Variants in CKAP5 observed in about 807,000 individuals in gnomAD.
CKAP5 encodes the protein cytoskeleton-associated protein 5.
CKAP5 carries 27 observed loss-of-function variants against 232.8 expected under a neutral mutation model. The ratio of observed to expected loss-of-function variants is 0.12; its 90% CI spans 0.09 to 0.16. The LOEUF is 0.16. CKAP5 is among the 10% of genes least tolerant of loss of function. The pLI is 1.00. For missense variants in CKAP5, 1,838 were observed against 2,424.7 expected (o/e 0.76, Z 5.08); for synonymous variants, 785 against 841.1 (o/e 0.93, Z 1.16).
intron 37 of CKAP5, 144 bp from the exon 38 acceptor site, chr11:46,752,854 CATTCAGTTAAGAAAATAA>C (rs2065080292): frequency 1.7e-6 from 1 of 586,866 alleles, no homozygotes; most frequent in Admixed American, 3.3e-5. Flanking sequence ...GACTACCTGA[CATTCAGTTAAGAAAATAA>C]ACATTGTTTA....
chr11:46,762,266 T>C, intron 31 of CKAP5, 73 bp from the exon 32 acceptor site: 10 of 1,479,072 alleles, frequency 6.8e-6, no homozygotes, highest in Non-Finnish European at 9.3e-6. Context: ...ACTAGAGAAA[T>C]TTCCCTTGGC....
At chr11:46,790,792 G>A (rs894875635) in intron 13 of CKAP5, among the ~76,000 whole-genome samples, 3 of 151,884 alleles carry the variant, frequency 2.0e-5, no homozygotes, top group Admixed American at 6.6e-5. Flanking sequence ...GACCACAGGC[G>A]TGTGCTACCA....
chr11:46,837,812 T>C (rs1350253201), intron 1 of CKAP5, among the ~76,000 whole-genome samples: 2 of 152,164 alleles, frequency 1.3e-5, no homozygotes, highest in East Asian at 3.8e-4. Flanking sequence ...CACACTATTA[T>C]CAGTAAATAC....
chr11:46,800,830 C>A (rs191903920), intron 9 of CKAP5, among the ~76,000 whole-genome samples: 164 of 152,078 alleles, frequency 1.1e-3, no homozygotes, highest in African/African-American at 3.7e-3. Flanking sequence ...ATTGCCTTTC[C>A]GACTCTCATT....
At chr11:46,753,231 A>T (rs768724616) in intron 37 of CKAP5, 79 bp downstream of exon 37, 1 of 1,176,334 alleles carries the variant, frequency 8.5e-7, no homozygotes, top group Non-Finnish European at 1.2e-6. Flanking sequence ...TAGGAAGTTG[A>T]CTTACGGACA....
intron 33 of CKAP5, 114 bp downstream of exon 33, chr11:46,760,498 C>CT (rs373233975): frequency 1.0e-6 from 1 of 971,158 alleles, no homozygotes. Context: ...CCCAGACACT[C>CT]TGTCATGCAT....
intron 1 of CKAP5, among the ~76,000 whole-genome samples, chr11:46,842,868 G>A (rs1188718475): frequency 6.6e-6 from 1 of 150,516 alleles, no homozygotes; most frequent in Non-Finnish European, 1.5e-5. Context: ...TTGGGAGGCT[G>A]AGGCAGGAGA....
intron 13 of CKAP5, among the ~76,000 whole-genome samples, chr11:46,791,246 T>C (rs879837264): frequency 9.1e-6 from 1 of 109,888 alleles, no homozygotes; most frequent in African/African-American, 2.7e-5. Flanking sequence ...TTTATTTGGG[T>C]TTTTTTTTTT....
chr11:46,743,911 A>G lies in CKAP5; in HGVS notation c.*112T>C, dbSNP rs1468471226. 3.0e-6 allele frequency: 4 copies of G among 1,342,374 alleles called. No homozygotes were observed. The highest frequency in any genetic ancestry group is 1.4e-5 in the African/African-American group (1 of 69,086). The allele number at this position is 1,342,374 out of a possible 1,614,324, so 83.2% of individuals were successfully genotyped here. A position where few individuals can be genotyped will look rare whatever the true frequency, so the allele number is the denominator to read the frequency against. On this transcript the variant is annotated 3_prime_UTR_variant, in exon 44 of 44. Coordinates refer to ENST00000529230, the MANE Select transcript of CKAP5 (RefSeq NM_001008938.4). ...TGACTCCTCCCCCTAGCTCCACGGC[A>G]TGATACATACAACCAGTTTGTATAC... is the stretch of plus-strand genomic sequence containing the variant.
intron 9 of CKAP5, among the ~76,000 whole-genome samples, chr11:46,799,374 T>C (rs749187701): frequency 2.1e-4 from 32 of 152,342 alleles, no homozygotes; most frequent in Admixed American, 1.3e-4. Context: ...CTACTTGGTA[T>C]AGTTCAAGGA....
intron 26 of CKAP5, among the ~76,000 whole-genome samples, chr11:46,768,459 G>C (rs1443722320): frequency 6.6e-6 from 1 of 151,866 alleles, no homozygotes; most frequent in African/African-American, 2.4e-5. Flanking sequence ...TTACAGGCGT[G>C]AGCCACCATG....
chr11:46,804,717 T>A (rs1160513143), intron 8 of CKAP5, among the ~76,000 whole-genome samples: 1 of 151,540 alleles, frequency 6.6e-6, no homozygotes, highest in Non-Finnish European at 1.5e-5. Flanking sequence ...TAGAAAACTA[T>A]GATGAAAACA....
At chr11:46,768,156 T>G (rs2065219578) in intron 26 of CKAP5, among the ~76,000 whole-genome samples, 1 of 152,192 alleles carries the variant, frequency 6.6e-6, no homozygotes, top group African/African-American at 2.4e-5. Flanking sequence ...GAGAAATTAA[T>G]TCAGAAAATC....
rs137953149 is a variant in CKAP5, at chr11:46,805,054, C to G, written c.978+2977G>C. 1.7e-3 allele frequency among the ~76,000 whole-genome samples: 260 copies of G among 151,132 alleles called. 1 individual carries two copies. The highest frequency in any genetic ancestry group is 5.8e-3 in the African/African-American group (238 of 41,268). ...AGTTCAAGACCAACATGATGAAACCCTGTCTCTACTAAAAATTAAAAAAAA... is the reference window on the plus strand; with the variant it reads ...AGTTCAAGACCAACATGATGAAACCGTGTCTCTACTAAAAATTAAAAAAAA... On this transcript the variant is annotated intron_variant, in intron 8 of 43. Coordinates refer to ENST00000529230, the MANE Select transcript of CKAP5 (RefSeq NM_001008938.4).
intron 42 of CKAP5, among the ~76,000 whole-genome samples, chr11:46,744,869 C>T (rs1028481360): frequency 1.3e-5 from 2 of 152,168 alleles, no homozygotes; most frequent in African/African-American, 4.8e-5. Context: ...CTGACTTGGG[C>T]AATCCAAAAA....
At position 46,770,948 on chromosome 11, in the gene CKAP5, A is replaced by G; in HGVS notation, c.3026T>C (p.Leu1009Pro). 1 of 1,613,854 alleles carries G rather than the reference A, an allele frequency of 6.2e-7. No individual in the cohort carries two copies. Among genetic ancestry groups the G allele is most frequent in the Non-Finnish European group, 8.5e-7 (1 of 1,179,800 alleles). The change falls in exon 25 of 44, where the codon CTT becomes CCT. Residue 1009 changes from leucine (L) to proline (P), a missense_variant. Leu to Pro is a moderately conservative substitution (Grantham distance 98, BLOSUM62 -3). Transcript: ENST00000529230. ...LGWLAEKLPTLRSTPTDLILC... is the reference protein window; with the variant it reads ...LGWLAEKLPTPRSTPTDLILC... The stretch of plus-strand genomic sequence containing the variant: ...GATAAGGTCTGTAGGGGTGGAACGA[A>G]GAGTAGGTAGTTTCTCAGCCAGCCA...
In CKAP5 at chr11:46,770,958, G is replaced by A. The variant is rs754552796; in HGVS notation, c.3016C>T (p.Leu1006=). 1 of 1,613,524 alleles carries A rather than the reference G, an allele frequency of 6.2e-7. No homozygotes were observed. The highest frequency in any genetic ancestry group is 2.2e-5 in the East Asian group (1 of 44,880). Residue 1006 remains leucine (L), a synonymous_variant, in exon 25 of 44, where the codon CTA becomes TTA. Transcript: ENST00000529230. ...GTAGGGGTGGAACGAAGAGTAGGTA[G>A]TTTCTCAGCCAGCCAGCCCAGAAGC... ...QELLGWLAEK[L]PTLRSTPTDL...
chr11:46,777,683 T>G (rs1193156218), intron 22 of CKAP5, 131 bp from the exon 23 acceptor site: 1 of 604,954 alleles, frequency 1.7e-6, no homozygotes, highest in Non-Finnish European at 2.9e-6. Flanking sequence ...GACACTGGCT[T>G]GTCATGCTAT....
intron 1 of CKAP5, among the ~76,000 whole-genome samples, chr11:46,840,270 AT>A (rs1940019481): frequency 6.6e-6 from 1 of 152,154 alleles, no homozygotes; most frequent in Non-Finnish European, 1.5e-5. Flanking sequence ...AGAAACTATA[AT>A]TTGCTACAGT....
Sources: allele counts gnomAD v4.1 joint callset (sites outside exome capture counted in the v4.1 genomes callset), GRCh38; gene constraint gnomAD v4.1.1; transcripts MANE v1.5; gene names NCBI Gene and HGNC (gene_info 2026-07-23, HGNC 2026-07-21).